Variants in RORA observed in about 807,000 individuals in gnomAD.
RORA encodes the protein RAR related orphan receptor A.
In RORA, 7 loss-of-function variants were observed where a neutral mutation model predicts 69.5. The ratio of observed to expected loss-of-function variants is 0.10; its 90% CI spans 0.06 to 0.19. The LOEUF is 0.19. Ranked by LOEUF, RORA falls within the 10% of genes least tolerant of loss-of-function variation. The pLI is 1.00. For synonymous variants in RORA, 261 were observed against 240.8 expected (o/e 1.08, Z -0.78); for missense variants, 457 against 663.0 (o/e 0.69, Z 3.41).
intron 1 of RORA, among the ~76,000 whole-genome samples, chr15:60,933,068 G>A (rs1236763456): frequency 6.6e-6 from 1 of 152,080 alleles, no homozygotes; most frequent in African/African-American, 2.4e-5. Flanking sequence ...TATTGATTCT[G>A]CTGCTTCCCA....
At chr15:61,034,100 T>C (rs1045323092) in intron 1 of RORA, among the ~76,000 whole-genome samples, 3 of 152,214 alleles carry the variant, frequency 2.0e-5, no homozygotes, top group East Asian at 1.9e-4. Flanking sequence ...AGTCCTGGTC[T>C]AGAATGAAGG....
chr15:60,814,584 T>C (rs909291852), intron 1 of RORA, among the ~76,000 whole-genome samples: 1 of 151,976 alleles, frequency 6.6e-6, no homozygotes, highest in African/African-American at 2.4e-5. Context: ...CCGAAGAAAA[T>C]GGATGGAAGA....
intron 1 of RORA, among the ~76,000 whole-genome samples, chr15:60,818,426 A>G (rs1002525913): frequency 1.4e-4 from 21 of 152,288 alleles, no homozygotes; most frequent in African/African-American, 4.6e-4. Context: ...TTCAAGCTAC[A>G]TTTAACAGAG....
chr15:60,781,552 G>T (rs968639929), intron 1 of RORA, among the ~76,000 whole-genome samples: 3 of 152,134 alleles, frequency 2.0e-5, no homozygotes, highest in African/African-American at 7.2e-5. Flanking sequence ...CCCTAACCGT[G>T]CTGCTCCACG....
At chr15:61,156,967 T>C (rs1034476532) in intron 1 of RORA, among the ~76,000 whole-genome samples, 1 of 152,208 alleles carries the variant, frequency 6.6e-6, no homozygotes, top group African/African-American at 2.4e-5. Flanking sequence ...CTCCAGTTCC[T>C]TCTAAATCAG....
intron 2 of RORA, among the ~76,000 whole-genome samples, chr15:60,591,918 A>T (rs1028243191): frequency 6.6e-6 from 1 of 151,852 alleles, no homozygotes; most frequent in Admixed American, 6.6e-5. Context: ...CGGGGATGAC[A>T]TCGCGACAAC....
intron 1 of RORA, among the ~76,000 whole-genome samples, chr15:61,040,736 A>G (rs2140469627): frequency 6.6e-6 from 1 of 152,338 alleles, no homozygotes; most frequent in Non-Finnish European, 1.5e-5. Context: ...GAAAGGATGG[A>G]TGGATGGATT....
rs751246583 is a variant in RORA, at chr15:60,531,510, A to C, written c.282+256T>G. On this transcript the variant is annotated intron_variant, in intron 3 of 10. Coordinates refer to ENST00000335670, the MANE Select transcript of RORA (RefSeq NM_134261.3). This position sits in a 1 kb window ranked among gnomAD's most constrained non-coding sequence, Gnocchi z 4.8. ...GCCACAGAGATTGCTCATGAGTTCA[A>C]CTCTGGGGTTGAAAGTGATAAACAA... The C allele has an allele frequency of 1.0e-5, 4 of 393,014 alleles. No homozygotes were observed. Among genetic ancestry groups the C allele is most frequent in the Non-Finnish European group, 1.8e-5 (4 of 224,278 alleles). 24.3% of individuals were successfully genotyped at this position (393,014 alleles called of 1,614,324 possible). A position where few individuals can be genotyped will look rare whatever the true frequency, so the allele number is the denominator to read the frequency against.
chr15:60,998,598 C>T (rs1311852103), intron 1 of RORA, among the ~76,000 whole-genome samples: 1 of 152,146 alleles, frequency 6.6e-6, no homozygotes, highest in Admixed American at 6.5e-5. Flanking sequence ...AGGGTTTCAC[C>T]ATGTTAGCTA....
At chr15:60,591,861 C>T (rs886249387) in intron 2 of RORA, among the ~76,000 whole-genome samples, 12 of 151,912 alleles carry the variant, frequency 7.9e-5, no homozygotes, top group Non-Finnish European at 1.3e-4. Context: ...CTGAGGCGCT[C>T]GGGGACGCAG....
intron 1 of RORA, among the ~76,000 whole-genome samples, chr15:60,952,427 G>A (rs907709421): frequency 5.3e-5 from 8 of 152,122 alleles, no homozygotes; most frequent in African/African-American, 1.9e-4. Context: ...CATAGTGTTG[G>A]AAGCTCTGGC....
At chr15:61,072,987 T>G (rs559071873) in intron 1 of RORA, among the ~76,000 whole-genome samples, 3 of 152,334 alleles carry the variant, frequency 2.0e-5, no homozygotes, top group African/African-American at 7.2e-5. Flanking sequence ...TATGTTTGGG[T>G]AGACCTAAGG....
At chr15:60,734,620 G>T (rs775319382) in intron 1 of RORA, among the ~76,000 whole-genome samples, 1 of 152,102 alleles carries the variant, frequency 6.6e-6, no homozygotes, top group Admixed American at 6.5e-5. Flanking sequence ...TTGGGACCCC[G>T]ACCTCTCCAT....
At position 60,571,618 on chromosome 15, in the gene RORA, G is replaced by A. The variant is rs77077149; in HGVS notation, c.197-39767C>T. On this transcript the variant is annotated intron_variant, in intron 2 of 10. Transcript: ENST00000335670. ...GGAAAGATCATGAAGAGGCATGAGG[G>A]GTCCCTGATTTTAGTCCCTGCCACT... is the stretch of plus-strand genomic sequence containing the variant. Among the ~76,000 whole-genome samples the A allele has an allele frequency of 8.8e-3, 1,344 of 152,118 alleles. 14 individuals carry two copies. Among genetic ancestry groups the A allele is most frequent in the African/African-American group, 0.031 (1,282 of 41,488 alleles).
chr15:60,502,090 C>T (rs2065348917), intron 8 of RORA, among the ~76,000 whole-genome samples: 1 of 152,198 alleles, frequency 6.6e-6, no homozygotes, highest in South Asian at 2.1e-4. Context: ...AAGTGATTCT[C>T]CTGCCTCAGC....
rs369853534 is a variant in RORA, at chr15:60,491,888, C to G, written c.*5567G>C. On this transcript the variant is annotated 3_prime_UTR_variant, in exon 11 of 11. Transcript: ENST00000335670. ...AGAATGAAGACCTGTATCATAGACT[C>G]TTACCAATAGATCAAGATTTACTGT... 2.0e-5 allele frequency: 3 copies of G among 152,122 alleles called. No individual in the cohort carries two copies. The highest frequency in any genetic ancestry group is 7.2e-5 in the African/African-American group (3 of 41,414). 9.4% of individuals were successfully genotyped at this position (152,122 alleles called of 1,614,324 possible).
intron 2 of RORA, among the ~76,000 whole-genome samples, chr15:60,535,690 A>C (rs1237346463): frequency 1.3e-5 from 2 of 152,198 alleles, no homozygotes; most frequent in East Asian, 3.8e-4. Context: ...CATTTTCCCA[A>C]AGAATTAAAA....
intron 1 of RORA, among the ~76,000 whole-genome samples, chr15:61,041,647 C>T (rs1284052285): frequency 2.0e-5 from 3 of 152,172 alleles, no homozygotes; most frequent in Non-Finnish European, 2.9e-5. Context: ...CAGCCTCGAA[C>T]TCCTGGGCTT....
At chr15:61,090,156 G>C (rs950358625) in intron 1 of RORA, among the ~76,000 whole-genome samples, 3 of 152,222 alleles carry the variant, frequency 2.0e-5, no homozygotes, top group African/African-American at 7.2e-5. Context: ...AGTGAGGATA[G>C]TGCCTGTCTA....
Sources: gnomAD v4.1 joint callset for allele counts (sites outside exome capture counted in the v4.1 genomes callset) on GRCh38, gnomAD v4.1.1 for gene constraint, Gnocchi (gnomAD v3.1) non-coding constraint, MANE v1.5 for transcripts, NCBI Gene and HGNC (gene_info 2026-07-23, HGNC 2026-07-21) for gene names.